CD8B: variants seen among roughly 807,000 people sequenced by gnomAD.
CD8B encodes T-cell surface glycoprotein CD8 beta chain.
Under a neutral mutation model 24.2 loss-of-function variants are expected in CD8B, and 6 were observed. The ratio of observed to expected loss-of-function variants is 0.25; its 90% CI spans 0.14 to 0.49. The LOEUF is 0.49. Among genes scored for constraint, CD8B ranks in the 20% least tolerant of loss-of-function variants. The pLI, the probability that CD8B is intolerant of heterozygous loss-of-function variation, is 0.98. For missense variants in CD8B, 196 were observed against 271.3 expected (o/e 0.72, Z 1.95); for synonymous variants, 84 against 108.3 (o/e 0.78, Z 1.39).
chr2:86,833,884 C>T (rs1478269029), downstream of CD8B, among the ~76,000 whole-genome samples: 1 of 151,784 alleles, frequency 6.6e-6, no homozygotes, highest in Non-Finnish European at 1.5e-5. Context: ...CTCCTGACCT[C>T]GTGATCCGCC....
intron 5 of CD8B, among the ~76,000 whole-genome samples, chr2:86,832,216 C>A (rs746996739): frequency 6.6e-6 from 1 of 152,124 alleles, no homozygotes; most frequent in Non-Finnish European, 1.5e-5. Context: ...CAGTGGCTCA[C>A]GCCTGTAATC....
At chr2:86,843,778 C>T in intron 5 of CD8B, 3 of 550,370 alleles carry the variant, frequency 5.5e-6, no homozygotes, top group Non-Finnish European at 6.9e-6. Flanking sequence ...CTCACACTGA[C>T]TGTGAGATTG....
rs1420634257 is a variant in CD8B at position 86,851,023 on chromosome 2, G to A, written c.493+1974C>T. Among the ~76,000 whole-genome samples the A allele has an allele frequency of 1.1e-4, 16 of 151,588 alleles. No homozygotes were observed. In the East Asian group the frequency reaches 2.9e-3, roughly 27 times the overall value. On this transcript the variant is annotated intron_variant, in intron 3 of 5. Coordinates refer to ENST00000390655, the MANE Select transcript of CD8B (RefSeq NM_004931.5). Reference sequence around the variant, plus strand: ...GGAGAATCACTTGAACCTGGGAGGCGGAGGTTGCAATGAGCTGAGATCACG... The same window carrying A: ...GGAGAATCACTTGAACCTGGGAGGCAGAGGTTGCAATGAGCTGAGATCACG...
At chr2:86,828,803 T>C (rs529334085) in intron 5 of CD8B, among the ~76,000 whole-genome samples, 3 of 152,236 alleles carry the variant, frequency 2.0e-5, no homozygotes, top group Non-Finnish European at 4.4e-5. Flanking sequence ...TATTATCTTC[T>C]GGATTCCTTT....
chr2:86,837,398 T>A (rs141159785), downstream of CD8B, among the ~76,000 whole-genome samples: 53 of 152,288 alleles, frequency 3.5e-4, no homozygotes, highest in East Asian at 5.4e-3. Context: ...GACGCAGGGC[T>A]GGGGAATATG....
intron 5 of CD8B, among the ~76,000 whole-genome samples, chr2:86,829,872 TTCTC>T (rs5832698): frequency 0.32 from 49,274 of 151,826 alleles, 8,728 homozygotes; most frequent in East Asian, 0.77. Context: ...CACAGATAAT[TTCTC>T]TCCTCTTCTG....
At chr2:86,850,819 A>T (rs1019534334) in intron 3 of CD8B, among the ~76,000 whole-genome samples, 3 of 152,128 alleles carry the variant, frequency 2.0e-5, no homozygotes, top group African/African-American at 7.2e-5. Context: ...GGCCAGGCGT[A>T]GTGGCTCACG....
At chr2:86,833,539 C>T (rs1675023568), downstream of CD8B, among the ~76,000 whole-genome samples, 1 of 130,352 alleles carries the variant, frequency 7.7e-6, no homozygotes, top group Admixed American at 7.5e-5. Flanking sequence ...CTCTCCTCCC[C>T]TCCCGTCCGC....
intron 2 of CD8B, among the ~76,000 whole-genome samples, chr2:86,857,800 A>G (rs1328621325): frequency 2.6e-5 from 4 of 152,198 alleles, no homozygotes; most frequent in Non-Finnish European, 5.9e-5. Flanking sequence ...TTCTAGTTTC[A>G]TCTTATTCCC....
intron 5 of CD8B, chr2:86,821,795 G>A (rs1674485497): frequency 5.1e-6 from 2 of 392,846 alleles, no homozygotes; most frequent in Admixed American, 2.5e-5. Flanking sequence ...CACAAACCCC[G>A]TCCTCTCCAA....
intron 5 of CD8B, among the ~76,000 whole-genome samples, chr2:86,823,846 A>G (rs1674575578): frequency 6.6e-6 from 1 of 152,102 alleles, no homozygotes; most frequent in Non-Finnish European, 1.5e-5. Context: ...GCAGTGACAG[A>G]CACCGCCCCA....
intron 5 of CD8B, among the ~76,000 whole-genome samples, chr2:86,816,868 TTAAAG>T (rs1674271025): frequency 1.3e-5 from 2 of 152,210 alleles, no homozygotes; most frequent in Non-Finnish European, 2.9e-5. Flanking sequence ...GAACATTTGT[TTAAAG>T]TATGCAGGGC....
At chr2:86,831,293 C>G (rs752143353) in intron 5 of CD8B, among the ~76,000 whole-genome samples, 21 of 152,190 alleles carry the variant, frequency 1.4e-4, no homozygotes, top group Non-Finnish European at 2.8e-4. Context: ...TCTTGAACTC[C>G]TGACCTCAGG....
intron 2 of CD8B, among the ~76,000 whole-genome samples, chr2:86,856,827 A>G (rs1191966729): frequency 2.0e-5 from 3 of 149,894 alleles, no homozygotes; most frequent in East Asian, 1.9e-4. Context: ...TAAAATGCTC[A>G]TCGAACACTT....
chr2:86,861,176 G>A (rs1240720974), intron 1 of CD8B, among the ~76,000 whole-genome samples: 2 of 152,068 alleles, frequency 1.3e-5, no homozygotes, highest in Admixed American at 6.6e-5. Flanking sequence ...CGGGTGTGTG[G>A]AGGCTTCTTC....
chr2:86,823,096 C>T (rs1055687253), intron 5 of CD8B, among the ~76,000 whole-genome samples: 1 of 152,084 alleles, frequency 6.6e-6, no homozygotes, highest in African/African-American at 2.4e-5. Flanking sequence ...TCTTCCTAAA[C>T]TAAAACTCTG....
rs1024066910 is a variant in CD8B, at chr2:86,851,810, C to T, written c.493+1187G>A. Reference sequence around the variant, plus strand: ...TTTGGGCTGATGGGTTTAAGGAAAACGTGTGCATGGGCATGTGTGTCTGTG... The same window carrying T: ...TTTGGGCTGATGGGTTTAAGGAAAATGTGTGCATGGGCATGTGTGTCTGTG... On this transcript the variant is annotated intron_variant, in intron 3 of 5. Coordinates refer to ENST00000390655, the MANE Select transcript of CD8B (RefSeq NM_004931.5). Among the ~76,000 whole-genome samples, 11 of 152,230 alleles carry T rather than the reference C, an allele frequency of 7.2e-5. No individual in the cohort carries two copies. The South Asian group carries it at 8.3e-4, about 11-fold the overall frequency.
downstream of CD8B, among the ~76,000 whole-genome samples, chr2:86,834,194 G>C (rs1283050077): frequency 6.6e-6 from 1 of 152,040 alleles, no homozygotes; most frequent in African/African-American, 2.4e-5. Flanking sequence ...AACACTACTA[G>C]ATGGTGCCCA....
chr2:86,827,073 G>T (rs934353720), intron 5 of CD8B, among the ~76,000 whole-genome samples: 2 of 152,064 alleles, frequency 1.3e-5, no homozygotes, highest in Admixed American at 1.3e-4. Context: ...CACTCGCCTC[G>T]GCCTCCCAGA....
Sources: gnomAD v4.1 joint callset for allele counts (sites outside exome capture counted in the v4.1 genomes callset) on GRCh38, gnomAD v4.1.1 for gene constraint, MANE v1.5 for transcripts, NCBI Gene and HGNC (gene_info 2026-07-23, HGNC 2026-07-21) for gene names.